The following IGF2BP2 variants were observed in gnomAD, a reference collection of about 807,000 sequenced individuals.
IGF2BP2 encodes the protein insulin like growth factor 2 mRNA binding protein 2, also known as insulin-like growth factor 2 mRNA-binding protein 2.
A neutral mutation model predicts 75.8 loss-of-function variants in IGF2BP2; 17 were observed. The ratio of observed to expected loss-of-function variants is 0.22; its 90% CI spans 0.15 to 0.34. The LOEUF (loss-of-function observed/expected upper bound fraction) is 0.34. Ranked by LOEUF, IGF2BP2 falls within the 10% of genes least tolerant of loss-of-function variation. The pLI is 1.00. For synonymous variants in IGF2BP2, 288 were observed against 295.6 expected (o/e 0.97, Z 0.26); for missense variants, 516 against 772.4 (o/e 0.67, Z 3.93).
chr3:185,805,770 C>CTTTT (rs1254141059), intron 2 of IGF2BP2, among the ~76,000 whole-genome samples: 2 of 136,548 alleles, frequency 1.5e-5, no homozygotes, highest in African/African-American at 2.7e-5. Flanking sequence ...TGAAGTAAAT[C>CTTTT]TTTTTTTTTT....
intron 7 of IGF2BP2, among the ~76,000 whole-genome samples, chr3:185,686,791 G>T (rs546628903): frequency 6.6e-6 from 1 of 151,982 alleles, no homozygotes; most frequent in Non-Finnish European, 1.5e-5. Flanking sequence ...GAGTCTGTAT[G>T]TTCCTCCCAA....
At chr3:185,769,070 C>T (rs962805878) in intron 2 of IGF2BP2, among the ~76,000 whole-genome samples, 9 of 151,854 alleles carry the variant, frequency 5.9e-5, no homozygotes, top group African/African-American at 1.9e-4. Context: ...GGGCGGGGCG[C>T]GGTGGTCCAC....
intron 2 of IGF2BP2, among the ~76,000 whole-genome samples, chr3:185,756,052 T>C (rs1293227053): frequency 6.6e-6 from 1 of 152,162 alleles, no homozygotes; most frequent in African/African-American, 2.4e-5. Context: ...TCCTCATTGC[T>C]GGAAATGGAA....
intron 2 of IGF2BP2, among the ~76,000 whole-genome samples, chr3:185,730,642 C>A (rs1483335650): frequency 1.3e-5 from 2 of 152,056 alleles, no homozygotes; most frequent in Admixed American, 1.3e-4. Context: ...CCATGTTGGT[C>A]AGGCTCGTCT....
rs780169076 is a variant in IGF2BP2 at position 185,716,464 on chromosome 3, G to A, written c.240-18117C>T. On this transcript the variant is annotated intron_variant, in intron 2 of 15. Transcript: ENST00000382199. ...AGCAGAAACAAAGAAAATCTCAGAG[G>A]TCTCTTCTTATGTCTCTGCTAACAA... The A allele has an allele frequency of 9.7e-6, 5 of 517,504 alleles. No homozygotes were observed. In the East Asian group the frequency reaches 2.7e-4, roughly 28 times the overall value. 32.1% of individuals were successfully genotyped at this position (517,504 alleles called of 1,614,324 possible).
chr3:185,675,953 A>G (rs375333074), intron 7 of IGF2BP2, 40 bp from the exon 8 acceptor site: 20 of 1,595,886 alleles, frequency 1.3e-5, no homozygotes, highest in South Asian at 1.1e-4. Context: ...TCAGATACGT[A>G]TAACGGTTGT....
intron 2 of IGF2BP2, among the ~76,000 whole-genome samples, chr3:185,742,209 G>A (rs1578163309): frequency 6.8e-6 from 1 of 146,110 alleles, no homozygotes; most frequent in East Asian, 2.0e-4. Flanking sequence ...AAAAAAATTA[G>A]CCGGCCAGGC....
intron 2 of IGF2BP2, among the ~76,000 whole-genome samples, chr3:185,748,440 G>A (rs1284867238): frequency 6.6e-6 from 1 of 152,174 alleles, no homozygotes; most frequent in Non-Finnish European, 1.5e-5. Context: ...AAGTCAAACA[G>A]CAACCTTTTC....
chr3:185,753,909 TA>T (rs543820582), intron 2 of IGF2BP2, among the ~76,000 whole-genome samples: 1 of 151,940 alleles, frequency 6.6e-6, no homozygotes, highest in African/African-American at 2.4e-5. Flanking sequence ...TCTGGTTGTT[TA>T]AAAGAGTCTG....
chr3:185,702,604 C>T (rs138893972), intron 2 of IGF2BP2, among the ~76,000 whole-genome samples: 2 of 152,282 alleles, frequency 1.3e-5, no homozygotes, highest in African/African-American at 4.8e-5. Context: ...AGAACTATTA[C>T]AGCCGTCTCC....
At chr3:185,778,222 A>C (rs1378892499) in intron 2 of IGF2BP2, among the ~76,000 whole-genome samples, 1 of 152,186 alleles carries the variant, frequency 6.6e-6, no homozygotes, top group African/African-American at 2.4e-5. Flanking sequence ...GGCCAGAAGC[A>C]ACCCTGGACA....
chr3:185,765,863 A>G (rs1254572218), intron 2 of IGF2BP2, among the ~76,000 whole-genome samples: 1 of 152,224 alleles, frequency 6.6e-6, no homozygotes, highest in East Asian at 1.9e-4. Flanking sequence ...TTGGGGGGAA[A>G]ATTCTTGTCC....
intron 2 of IGF2BP2, among the ~76,000 whole-genome samples, chr3:185,745,058 C>A (rs749050286): frequency 6.6e-6 from 1 of 152,084 alleles, no homozygotes; most frequent in Non-Finnish European, 1.5e-5. Context: ...TGCTGGTGTG[C>A]GGCAGAGCCA....
rs766791127 is a variant in IGF2BP2, at chr3:185,684,844, GAAAA to G, written c.812+2209_812+2212del. ...GGTGAAAAAATGGTATGTGGGGAAGGAAAAAAAAAAAAGCAGGAACCAAGTCCTG... is the reference window on the plus strand; with the variant it reads ...GGTGAAAAAATGGTATGTGGGGAAGGAAAAAAAAGCAGGAACCAAGTCCTG... On this transcript the variant is annotated intron_variant, in intron 7 of 15. Transcript: ENST00000382199. Among the ~76,000 whole-genome samples the G allele has an allele frequency of 2.0e-4, 29 of 141,978 alleles. No individual in the cohort carries two copies. In the East Asian group the frequency reaches 5.5e-3, roughly 27 times the overall value. 93.1% of individuals were successfully genotyped at this position (141,978 alleles called of 152,430 possible).
At chr3:185,823,108 A>T in intron 2 of IGF2BP2, 45 bp downstream of exon 2, 1 of 1,334,438 alleles carries the variant, frequency 7.5e-7, no homozygotes, top group Non-Finnish European at 1.0e-6. Flanking sequence ...TTTTACTTAT[A>T]CGTAAGGCCA....
At chr3:185,802,168 C>T (rs1164991467) in intron 2 of IGF2BP2, among the ~76,000 whole-genome samples, 2 of 151,896 alleles carry the variant, frequency 1.3e-5, no homozygotes, top group South Asian at 2.1e-4. Flanking sequence ...TATCCCAGAA[C>T]TTAAAATTAG....
intron 2 of IGF2BP2, among the ~76,000 whole-genome samples, chr3:185,806,908 C>G (rs922101200): frequency 6.6e-6 from 1 of 152,120 alleles, no homozygotes; most frequent in Non-Finnish European, 1.5e-5. Flanking sequence ...AATATGAACA[C>G]TTATTTTGCC....
chr3:185,821,768 T>C (rs560482443), intron 2 of IGF2BP2, among the ~76,000 whole-genome samples: 50 of 152,336 alleles, frequency 3.3e-4, no homozygotes, highest in Admixed American at 5.9e-4. Flanking sequence ...ATATTCATTC[T>C]GCAAATTTTC....
At chr3:185,769,432 C>G (rs1230779426) in intron 2 of IGF2BP2, among the ~76,000 whole-genome samples, 1 of 151,974 alleles carries the variant, frequency 6.6e-6, no homozygotes, top group African/African-American at 2.4e-5. Flanking sequence ...TCAGAAGAAC[C>G]TGTAACTCTT....
Sources: allele counts gnomAD v4.1 joint callset (sites outside exome capture counted in the v4.1 genomes callset), GRCh38; gene constraint gnomAD v4.1.1; transcripts MANE v1.5; gene names NCBI Gene and HGNC (gene_info 2026-07-23, HGNC 2026-07-21).